SCARB2: variants seen among roughly 807,000 people sequenced by gnomAD.
SCARB2 encodes the protein scavenger receptor class B member 2, also known as lysosome membrane protein 2.
A neutral mutation model predicts 58.6 loss-of-function variants in SCARB2; 29 were observed. The observed-to-expected ratio is 0.49, with a 90% CI of 0.37 to 0.67. SCARB2 has a LOEUF of 0.67. Among genes scored for constraint, SCARB2 ranks in the 30% least tolerant of loss-of-function variants. The pLI is 0.00. For synonymous variants in SCARB2, 195 were observed against 210.1 expected, an observed-to-expected ratio of 0.93 and a Z score of 0.62; for missense variants, 488 against 578.5, an observed-to-expected ratio of 0.84 and a Z score of 1.60.
intron 2 of SCARB2, among the ~76,000 whole-genome samples, chr4:76,184,506 C>T (rs562051470): frequency 6.6e-6 from 1 of 152,288 alleles, no homozygotes; most frequent in Non-Finnish European, 1.5e-5. Flanking sequence ...ATTTGCTTTC[C>T]TCTCTTGTAT....
chr4:76,179,790 G>T (rs1384745300), intron 3 of SCARB2, 85 bp from the exon 4 acceptor site: 8 of 1,034,780 alleles, frequency 7.7e-6, no homozygotes, highest in South Asian at 1.3e-5. Flanking sequence ...TAGCAAAGGG[G>T]GTTGGAAATA....
chr4:76,179,916 G>A (rs535102505), intron 3 of SCARB2: 63 of 604,934 alleles, frequency 1.0e-4, no homozygotes, highest in Non-Finnish European at 1.8e-4. Context: ...TTTTGTAAGT[G>A]TAATATTTAC....
At chr4:76,164,637 G>GAA (rs11343804) in intron 10 of SCARB2, 2 of 134,826 alleles carry the variant, frequency 1.5e-5, no homozygotes, top group Non-Finnish European at 3.2e-5. Context: ...TCCATCTCAG[G>GAA]AAAAAAAAAA....
At position 76,187,799 on chromosome 4, in the gene SCARB2, A is replaced by C. The variant is rs541150070; in HGVS notation, c.276-6698T>G. On this transcript the variant is annotated intron_variant, in intron 2 of 11. Transcript: ENST00000264896. ...ATTTTCAAGTTGATCTTTAGTGATT[A>C]TATATATGGAACACATATATATGTG... is the stretch of plus-strand genomic sequence containing the variant. Among the ~76,000 whole-genome samples, 4 of 152,200 alleles carry C rather than the reference A, an allele frequency of 2.6e-5. No homozygotes were observed. In the South Asian group the frequency reaches 8.3e-4, roughly 32 times the overall value.
rs994821033 is a variant in SCARB2, at chr4:76,213,695, GC to G, written c.-153del. The G allele has an allele frequency of 1.6e-4, 95 of 579,614 alleles. No homozygotes were observed. Among genetic ancestry groups the G allele is most frequent in the Non-Finnish European group, 2.6e-4 (89 of 342,366 alleles). 35.9% of individuals were successfully genotyped at this position (579,614 alleles called of 1,614,324 possible). A position where few individuals can be genotyped will look rare whatever the true frequency, so the allele number is the denominator to read the frequency against. On this transcript the variant is annotated 5_prime_UTR_variant, in exon 1 of 12. Coordinates refer to ENST00000264896, the MANE Select transcript of SCARB2 (RefSeq NM_005506.4). Reference sequence around the variant, plus strand: ...GCACGGTTCGTGCGCGCAGCTCTGGGCTCCGCGGCCTGGCGAGCGCGGCCCC... The same window carrying G: ...GCACGGTTCGTGCGCGCAGCTCTGGGTCCGCGGCCTGGCGAGCGCGGCCCC...
chr4:76,182,910 C>T (rs1043036512), intron 2 of SCARB2, among the ~76,000 whole-genome samples: 4 of 151,846 alleles, frequency 2.6e-5, no homozygotes, highest in East Asian at 3.9e-4. Context: ...GTAACTCTAT[C>T]GTCATTGGAG....
In SCARB2 at chr4:76,184,491, C is replaced by T. The variant is rs766109501; in HGVS notation, c.276-3390G>A. Among the ~76,000 whole-genome samples the T allele has an allele frequency of 3.3e-5, 5 of 152,332 alleles. No individual in the cohort carries two copies. The East Asian group carries it at 9.6e-4, about 29-fold the overall frequency. On this transcript the variant is annotated intron_variant, in intron 2 of 11. Transcript: ENST00000264896. ...CCATTCCGCTTTCTGCTGGTAATAG[C>T]CCTGATTTGCTTTCCTCTCTTGTAT...
intron 1 of SCARB2, chr4:76,212,996 T>A (rs1560723074): frequency 2.2e-5 from 6 of 273,166 alleles, no homozygotes; most frequent in Non-Finnish European, 4.4e-5. Context: ...CACACCCACG[T>A]CTCATCCCCA....
At chr4:76,215,265 C>T (rs1251813495), upstream of SCARB2, among the ~76,000 whole-genome samples, 1 of 152,238 alleles carries the variant, frequency 6.6e-6, no homozygotes, top group Admixed American at 6.5e-5. Context: ...CCTCATTTTA[C>T]ACTCAAGAAC....
chr4:76,217,757 C>T (rs986014644), upstream of SCARB2: 26 of 486,372 alleles, frequency 5.3e-5, no homozygotes, highest in African/African-American at 1.4e-4. Context: ...CAAGGAGATA[C>T]GGTGATCTCT....
chr4:76,171,505 G>A (rs1356591824), intron 7 of SCARB2, among the ~76,000 whole-genome samples: 2 of 152,154 alleles, frequency 1.3e-5, no homozygotes, highest in Non-Finnish European at 2.9e-5. Context: ...AAACACTGGA[G>A]GATAATCCTG....
chr4:76,218,824 T>C (rs1421658697), upstream of SCARB2, among the ~76,000 whole-genome samples: 4 of 152,146 alleles, frequency 2.6e-5, no homozygotes, highest in Non-Finnish European at 1.5e-5. Context: ...GAGAAAAATA[T>C]AGTGGGCAAA....
intron 1 of SCARB2, among the ~76,000 whole-genome samples, chr4:76,210,084 T>C (rs112931712): frequency 3.9e-5 from 6 of 152,332 alleles, no homozygotes; most frequent in African/African-American, 1.4e-4. Flanking sequence ...AAGTTTCAAT[T>C]CACAGATGAC....
At chr4:76,219,299 G>T (rs1028368470) in intron 1 of SCARB2, among the ~76,000 whole-genome samples, 1 of 152,224 alleles carries the variant, frequency 6.6e-6, no homozygotes, top group Non-Finnish European at 1.5e-5. Context: ...CCAGGAAGGA[G>T]TTGCCAGTCC....
intron 1 of SCARB2, among the ~76,000 whole-genome samples, chr4:76,197,928 AT>A (rs1282731306): frequency 6.6e-6 from 1 of 152,050 alleles, no homozygotes; most frequent in Non-Finnish European, 1.5e-5. Context: ...AGAAACTCAG[AT>A]TCTGTAGCAT....
rs184990389 is a variant in SCARB2 at position 76,233,933 on chromosome 4, A to G, written c.-358+370T>C. Among the ~76,000 whole-genome samples the G allele has an allele frequency of 4.6e-5, 7 of 152,364 alleles. No individual in the cohort carries two copies. The East Asian group carries it at 1.3e-3, about 29-fold the overall frequency. Reference sequence around the variant, plus strand: ...TTAAAAGTTACTACTGATGGGGTGAAGAAGAGGAAAGAAAAAAAGTTTAAA... The same window carrying G: ...TTAAAAGTTACTACTGATGGGGTGAGGAAGAGGAAAGAAAAAAAGTTTAAA... On this transcript the variant is annotated intron_variant, in intron 1 of 11. Transcript: ENST00000638295.
chr4:76,213,110 A>C (rs1382942026), intron 1 of SCARB2: 2 of 379,836 alleles, frequency 5.3e-6, no homozygotes, highest in Non-Finnish European at 1.0e-5. Flanking sequence ...GAAGGAAACA[A>C]GTTTGGGCCC....
At chr4:76,199,330 T>A (rs77722996) in intron 1 of SCARB2, among the ~76,000 whole-genome samples, 3,504 of 152,348 alleles carry the variant, frequency 0.023, 121 homozygotes, top group African/African-American at 0.08. Context: ...GTTAAATTTG[T>A]ATTTCAGATA....
In SCARB2 at chr4:76,166,394, C is replaced by T. The variant is rs1732010209; in HGVS notation, c.1188-93G>A. 1.2e-5 allele frequency: 16 copies of T among 1,298,752 alleles called. No homozygotes were observed. In the South Asian group the frequency reaches 1.5e-4, roughly 13 times the overall value. The allele number at this position is 1,298,752 out of a possible 1,614,324, so 80.5% of individuals were successfully genotyped here. A position where few individuals can be genotyped will look rare whatever the true frequency, so the allele number is the denominator to read the frequency against. On this transcript the variant is annotated intron_variant, in intron 9 of 11. Transcript: ENST00000264896. ...ACACATTTATATGAAGATTCTAGTA[C>T]ACTTATTTCTTAAATTACCCAGAAT...
Sources: gnomAD v4.1 joint callset for allele counts (sites outside exome capture counted in the v4.1 genomes callset) on GRCh38, gnomAD v4.1.1 for gene constraint, MANE v1.5 for transcripts, NCBI Gene and HGNC (gene_info 2026-07-23, HGNC 2026-07-21) for gene names.